Variants in ANKS1B observed in about 807,000 individuals in gnomAD.
The protein encoded by ANKS1B is ankyrin repeat and sterile alpha motif domain-containing protein 1B.
ANKS1B carries 36 observed loss-of-function variants against 148.3 expected under a neutral mutation model. That is an observed-to-expected ratio of 0.24 (90% CI 0.19 to 0.32). ANKS1B has a LOEUF of 0.32. ANKS1B is among the 10% of genes least tolerant of loss of function. ANKS1B has a pLI of 1.00. For missense variants in ANKS1B, 1,157 were observed against 1,542.6 expected (o/e 0.75, Z 4.19); for synonymous variants, 542 against 560.8 (o/e 0.97, Z 0.47).
intron 12 of ANKS1B, among the ~76,000 whole-genome samples, chr12:99,356,636 C>T (rs533607148): frequency 4.6e-4 from 70 of 152,276 alleles, no homozygotes; most frequent in Non-Finnish European, 6.5e-4. Flanking sequence ...ATAACTGGTA[C>T]ACCAGGTAAC....
chr12:99,823,497 G>T (rs1036009939), intron 2 of ANKS1B, among the ~76,000 whole-genome samples: 3 of 151,994 alleles, frequency 2.0e-5, no homozygotes, highest in Non-Finnish European at 4.4e-5. Context: ...GTAGAGACAG[G>T]GTTTTGCCAC....
At chr12:98,755,113 G>A (rs1316011627) in intron 25 of ANKS1B, among the ~76,000 whole-genome samples, 2 of 152,042 alleles carry the variant, frequency 1.3e-5, no homozygotes, top group African/African-American at 2.4e-5. Flanking sequence ...ACACACCAGG[G>A]CCCTTTCGGG....
chr12:99,693,902 T>C (rs994088290), intron 8 of ANKS1B, among the ~76,000 whole-genome samples: 1 of 150,052 alleles, frequency 6.7e-6, no homozygotes, highest in Non-Finnish European at 1.5e-5. Flanking sequence ...TGCCTCAGCC[T>C]CCCGAGTAGC....
chr12:99,758,984 G>A (rs951282869), intron 8 of ANKS1B, among the ~76,000 whole-genome samples: 1 of 151,798 alleles, frequency 6.6e-6, no homozygotes. Flanking sequence ...GTCAATTTTT[G>A]TCTCATTTAT....
intron 9 of ANKS1B, among the ~76,000 whole-genome samples, chr12:99,510,362 C>A (rs905408991): frequency 1.3e-5 from 2 of 151,958 alleles, no homozygotes; most frequent in African/African-American, 4.8e-5. Context: ...ATTTTCCATT[C>A]TAGATGCCAT....
In ANKS1B at chr12:99,343,496, T is replaced by C. The variant is rs563246281; in HGVS notation, c.1756+56135A>G. ...CCAGCATAAGGCTAATCCCTTTATC[T>C]GTCCTCTGAATCTCATTGTCAGCTG... On this transcript the variant is annotated intron_variant, in intron 12 of 26. Transcript: ENST00000683438. Among the ~76,000 whole-genome samples the C allele has an allele frequency of 5.3e-5, 8 of 152,156 alleles. No homozygotes were observed. In the East Asian group the frequency reaches 9.7e-4, roughly 18 times the overall value.
At position 98,903,154 on chromosome 12, in the gene ANKS1B, C is replaced by T. The variant is rs549062091; in HGVS notation, c.2779-71018G>A. ...AAGAATGACATAATAAATATTAAAA[C>T]ATAATTTGGGGTTGGGATAATTGAA... On this transcript the variant is annotated intron_variant, in intron 17 of 26. Transcript: ENST00000683438. 5.5e-4 allele frequency among the ~76,000 whole-genome samples: 84 copies of T among 152,066 alleles called. 1 individual carries two copies. The South Asian group carries it at 8.3e-3, about 15-fold the overall frequency.
Position 99,436,481 on chromosome 12 carries a change from G to A in ANKS1B, c.1575+7192C>T, listed in dbSNP as rs137890293. ...TTTTATTCCTTATCTATTTTTTGCT[G>A]CAACCCAATACAATATTCTGTACTC... On this transcript the variant is annotated intron_variant, in intron 11 of 26. Transcript: ENST00000683438. Among the ~76,000 whole-genome samples the A allele has an allele frequency of 2.6e-5, 4 of 151,912 alleles. No individual in the cohort carries two copies. The East Asian group carries it at 5.8e-4, about 22-fold the overall frequency.
intron 11 of ANKS1B, among the ~76,000 whole-genome samples, chr12:99,440,140 GA>G (rs2095526264): frequency 6.6e-6 from 1 of 151,830 alleles, no homozygotes; most frequent in Non-Finnish European, 1.5e-5. Context: ...TCCAAGGCAG[GA>G]AGGAGGGCAA....
chr12:99,902,001 A>C (rs1430947080), intron 1 of ANKS1B, among the ~76,000 whole-genome samples: 2 of 152,256 alleles, frequency 1.3e-5, no homozygotes, highest in Non-Finnish European at 2.9e-5. Context: ...AGAATAGTGA[A>C]TAAGATAGAA....
chr12:99,887,541 G>T (rs1488739), intron 1 of ANKS1B, among the ~76,000 whole-genome samples: 98,087 of 151,950 alleles, frequency 0.65, 33,223 homozygotes, highest in African/African-American at 0.78. Flanking sequence ...TTGAATAATA[G>T]AAGACATGTG....
intron 12 of ANKS1B, among the ~76,000 whole-genome samples, chr12:99,339,690 G>T (rs1200249076): frequency 6.6e-6 from 1 of 152,106 alleles, no homozygotes; most frequent in Non-Finnish European, 1.5e-5. Flanking sequence ...AGTTGATTTT[G>T]TTAGATGCAT....
intron 1 of ANKS1B, among the ~76,000 whole-genome samples, chr12:99,943,682 A>G (rs1948176): frequency 1.3e-3 from 192 of 151,988 alleles, no homozygotes; most frequent in African/African-American, 4.3e-3. Flanking sequence ...CCATGATTCA[A>G]TTACCCCCCA....
intron 8 of ANKS1B, among the ~76,000 whole-genome samples, chr12:99,744,133 T>C (rs1280645062): frequency 1.3e-5 from 2 of 152,178 alleles, no homozygotes; most frequent in Non-Finnish European, 2.9e-5. Flanking sequence ...AAGATGACTA[T>C]ATCTGGAACA....
chr12:99,535,260 T>C (rs926937690), intron 9 of ANKS1B, among the ~76,000 whole-genome samples: 1 of 152,188 alleles, frequency 6.6e-6, no homozygotes, highest in Non-Finnish European at 1.5e-5. Context: ...ATCAGCAATA[T>C]TTGTGTGTTT....
At chr12:99,022,393 T>C (rs756844022) in intron 17 of ANKS1B, among the ~76,000 whole-genome samples, 1 of 152,152 alleles carries the variant, frequency 6.6e-6, no homozygotes, top group Non-Finnish European at 1.5e-5. Context: ...ATCTATTGGG[T>C]TAAGCCACTG....
intron 9 of ANKS1B, among the ~76,000 whole-genome samples, chr12:99,592,639 A>G (rs907008921): frequency 2.0e-5 from 3 of 152,154 alleles, no homozygotes; most frequent in Non-Finnish European, 2.9e-5. Flanking sequence ...ACGAGAAAAG[A>G]AAAAGAATGT....
intron 12 of ANKS1B, among the ~76,000 whole-genome samples, chr12:99,345,564 T>A (rs1218310366): frequency 1.3e-5 from 2 of 151,944 alleles, no homozygotes; most frequent in Non-Finnish European, 1.5e-5. Context: ...TAGAGAGACA[T>A]CATTTTCGTT....
intron 1 of ANKS1B, among the ~76,000 whole-genome samples, chr12:99,972,663 C>T (rs774585375): frequency 9.2e-5 from 14 of 152,184 alleles, no homozygotes; most frequent in Non-Finnish European, 1.6e-4. Flanking sequence ...TAGTTAAATG[C>T]TGATGCAGAA....
Sources: allele counts gnomAD v4.1 joint callset (sites outside exome capture counted in the v4.1 genomes callset), GRCh38; gene constraint gnomAD v4.1.1; transcripts MANE v1.5; gene names NCBI Gene and HGNC (gene_info 2026-07-23, HGNC 2026-07-21).